The following PCSK2 variants were observed in gnomAD, a reference collection of about 807,000 sequenced individuals.
The protein encoded by PCSK2 is proprotein convertase subtilisin/kexin type 2.
In PCSK2, 14 loss-of-function variants were observed where a neutral mutation model predicts 69.7. The ratio of observed to expected loss-of-function variants is 0.20; its 90% confidence interval spans 0.13 to 0.31. PCSK2 has a LOEUF of 0.31. Ranked by LOEUF, PCSK2 falls within the 10% of genes least tolerant of loss-of-function variation. PCSK2 has a pLI of 1.00. For missense variants in PCSK2, 544 were observed against 842.5 expected, an observed-to-expected ratio of 0.65 and a Z score of 4.39; for synonymous variants, 307 against 320.7, an observed-to-expected ratio of 0.96 and a Z score of 0.46.
chr20:17,273,493 T>C (rs1293498777), intron 2 of PCSK2, among the ~76,000 whole-genome samples: 1 of 152,190 alleles, frequency 6.6e-6, no homozygotes, highest in Non-Finnish European at 1.5e-5. Flanking sequence ...TACATGTTAA[T>C]TTCACAAATA....
intron 6 of PCSK2, among the ~76,000 whole-genome samples, chr20:17,425,656 G>A (rs1372618117): frequency 2.6e-5 from 4 of 152,038 alleles, no homozygotes; most frequent in African/African-American, 9.7e-5. Flanking sequence ...GTGGCTTAGC[G>A]GCTTAGCACC....
At chr20:17,285,232 CAA>C (rs1311435642) in intron 2 of PCSK2, among the ~76,000 whole-genome samples, 2 of 152,146 alleles carry the variant, frequency 1.3e-5, no homozygotes, top group Admixed American at 6.5e-5. Flanking sequence ...CATTATTTTT[CAA>C]AGTTACTTTT....
intron 2 of PCSK2, among the ~76,000 whole-genome samples, chr20:17,261,134 C>T (rs1987367422): frequency 6.6e-6 from 1 of 152,170 alleles, no homozygotes; most frequent in African/African-American, 2.4e-5. Context: ...CATACCTACA[C>T]ACTCATCCAA....
At chr20:17,281,699 A>G (rs868171686) in intron 2 of PCSK2, among the ~76,000 whole-genome samples, 8 of 152,256 alleles carry the variant, frequency 5.3e-5, no homozygotes, top group Non-Finnish European at 1.0e-4. Context: ...TGTGAATCCC[A>G]GTGAATGCTG....
chr20:17,387,817 G>A (rs190870816), intron 5 of PCSK2, among the ~76,000 whole-genome samples: 2 of 152,264 alleles, frequency 1.3e-5, no homozygotes, highest in African/African-American at 2.4e-5. Context: ...CTACCCTCAA[G>A]GACCTTAGCA....
At chr20:17,455,141 C>T (rs766088684) in intron 9 of PCSK2, among the ~76,000 whole-genome samples, 1 of 152,072 alleles carries the variant, frequency 6.6e-6, no homozygotes, top group Non-Finnish European at 1.5e-5. Context: ...CCCCAAAGAC[C>T]TCTCAGTGGT....
At chr20:17,278,228 C>G (rs1162329251) in intron 2 of PCSK2, among the ~76,000 whole-genome samples, 2 of 152,096 alleles carry the variant, frequency 1.3e-5, no homozygotes, top group African/African-American at 2.4e-5. Flanking sequence ...GGGTATATAA[C>G]CAAAGGACTA....
In PCSK2 at chr20:17,483,279, C is replaced by T. The variant is rs1485145334; in HGVS notation, c.*1209C>T. ...GGCCATGCAATTCATCCCAGAGGAA[C>T]CTGAGGCCTGAAGGAGGTGAGAGAA... On this transcript the variant is annotated 3_prime_UTR_variant, in exon 12 of 12. Coordinates refer to ENST00000262545, the MANE Select transcript of PCSK2 (RefSeq NM_002594.5). 6.6e-6 allele frequency: 1 copy of T among 152,146 alleles called. No homozygotes were observed. The highest frequency in any genetic ancestry group is 1.5e-5 in the Non-Finnish European group (1 of 68,014). 9.4% of individuals were successfully genotyped at this position (152,146 alleles called of 1,614,324 possible).
intron 2 of PCSK2, among the ~76,000 whole-genome samples, chr20:17,268,028 A>AAT: frequency 2.2e-5 from 1 of 45,828 alleles, no homozygotes; most frequent in African/African-American, 7.2e-5. Context: ...TTATATATCC[A>AAT]ATGTGTATAT....
chr20:17,476,205 C>T (rs1173050894), intron 11 of PCSK2, among the ~76,000 whole-genome samples: 4 of 152,160 alleles, frequency 2.6e-5, no homozygotes, highest in Admixed American at 6.5e-5. Flanking sequence ...GCCTGTGAGC[C>T]GGGAAAAAAC....
intron 5 of PCSK2, among the ~76,000 whole-genome samples, chr20:17,370,159 T>G (rs930329879): frequency 2.0e-5 from 3 of 152,200 alleles, no homozygotes; most frequent in African/African-American, 4.8e-5. Flanking sequence ...TTATCCAAAC[T>G]ATTTCTAAGC....
chr20:17,274,397 T>C (rs1987979097), intron 2 of PCSK2, among the ~76,000 whole-genome samples: 6 of 152,156 alleles, frequency 3.9e-5, no homozygotes. Context: ...TATTCACCCA[T>C]GTGAAGGCTC....
intron 1 of PCSK2, among the ~76,000 whole-genome samples, chr20:17,258,793 T>TGC (rs1468393333): frequency 6.6e-6 from 1 of 151,558 alleles, no homozygotes; most frequent in Non-Finnish European, 1.5e-5. Flanking sequence ...TGTGTGTGTG[T>TGC]GTGTTTAAGC....
At chr20:17,367,767 G>C (rs2030639562) in intron 4 of PCSK2, among the ~76,000 whole-genome samples, 2 of 152,210 alleles carry the variant, frequency 1.3e-5, no homozygotes, top group Admixed American at 1.3e-4. Context: ...CAAAGCACCG[G>C]GATTACAGGC....
chr20:17,333,417 C>T (rs1181815281), intron 2 of PCSK2, among the ~76,000 whole-genome samples: 5 of 152,134 alleles, frequency 3.3e-5, no homozygotes, highest in African/African-American at 1.2e-4. Context: ...ATGCTTCATG[C>T]TCTATCCTGT....
intron 10 of PCSK2, among the ~76,000 whole-genome samples, chr20:17,456,920 T>G (rs1261026996): frequency 6.6e-6 from 1 of 152,184 alleles, no homozygotes; most frequent in African/African-American, 2.4e-5. Context: ...GATTCACTTT[T>G]TAACACTGAA....
At chr20:17,434,392 A>G (rs933660035) in intron 7 of PCSK2, among the ~76,000 whole-genome samples, 12 of 152,088 alleles carry the variant, frequency 7.9e-5, no homozygotes, top group Admixed American at 7.2e-4. Context: ...AGTTGCTTGC[A>G]AAATTAATAC....
intron 7 of PCSK2, among the ~76,000 whole-genome samples, chr20:17,433,756 T>C (rs1363118762): frequency 6.7e-6 from 1 of 149,236 alleles, no homozygotes; most frequent in African/African-American, 2.5e-5. Flanking sequence ...GTTAGGGATG[T>C]GAAGACACAG....
chr20:17,263,918 C>T (rs777704406), intron 2 of PCSK2, among the ~76,000 whole-genome samples: 1 of 152,172 alleles, frequency 6.6e-6, no homozygotes, highest in Non-Finnish European at 1.5e-5. Flanking sequence ...ACCTTCTCAA[C>T]ATCAGGGTCA....
Sources: allele counts gnomAD v4.1 joint callset (sites outside exome capture counted in the v4.1 genomes callset), GRCh38; gene constraint gnomAD v4.1.1; transcripts MANE v1.5; gene names NCBI Gene and HGNC (gene_info 2026-07-23, HGNC 2026-07-21).